Variants in CCDC50 observed in about 807,000 individuals in gnomAD.
The protein encoded by CCDC50 is coiled-coil domain-containing protein 50.
CCDC50 carries 54 observed loss-of-function variants against 70.2 expected under a neutral mutation model. The ratio of observed to expected loss-of-function variants is 0.77; its 90% confidence interval spans 0.62 to 0.96. CCDC50 has a LOEUF of 0.96. Among genes scored for constraint, CCDC50 ranks in the 50% least tolerant of loss-of-function variants. CCDC50 has a pLI of 0.00. For missense variants in CCDC50, 558 were observed against 578.7 expected (o/e 0.96, Z 0.37); for synonymous variants, 216 against 198.8 (o/e 1.09, Z -0.73).
At position 191,358,092 on chromosome 3, in the gene CCDC50, G is replaced by A. The variant is rs370296131; in HGVS notation, c.207G>A (p.Ala69=). The A allele has an allele frequency of 4.5e-5, 73 of 1,613,902 alleles. No homozygotes were observed. The African/African-American group carries it at 5.3e-4, about 12-fold the overall frequency. Residue 69 remains alanine (A), a synonymous_variant, in exon 3 of 12, where the codon GCG becomes GCA. Transcript: ENST00000392455. Reference sequence around the variant, plus strand: ...AGCTCCAAGAGGAAGATCTGAAAGCGCAGGCCCAGCTCCAGAAGCGCTACA... The same window carrying A: ...AGCTCCAAGAGGAAGATCTGAAAGCACAGGCCCAGCTCCAGAAGCGCTACA... ...AKQLQEEDLK[A]QAQLQKRYKD...
Position 191,375,505 on chromosome 3 carries a change from C to A in CCDC50, c.892C>A (p.Gln298Lys), listed in dbSNP as rs1253374847. The A allele has an allele frequency of 6.2e-7, 1 of 1,613,462 alleles. No individual in the cohort carries two copies. The highest frequency in any genetic ancestry group is 8.5e-7 in the Non-Finnish European group (1 of 1,179,798). The change falls in exon 6 of 12, where the codon CAA becomes AAA. Residue 298 changes from glutamine to lysine, a missense_variant. By Grantham distance (53) the Gln-to-Lys change is moderately conservative. Transcript: ENST00000392455. Reference protein sequence around the residue: ...KEVVYGRDHGQGEHRKRRHRP... With the variant: ...KEVVYGRDHGKGEHRKRRHRP... The stretch of plus-strand genomic sequence containing the variant: ...AGTTGTATATGGGAGGGACCATGGG[C>A]AAGGTGAGCACAGAAAAAGGAGACA...
chr3:191,364,450 G>A (rs1262676891), intron 4 of CCDC50, among the ~76,000 whole-genome samples: 1 of 151,612 alleles, frequency 6.6e-6, no homozygotes, highest in African/African-American at 2.4e-5. Flanking sequence ...CTTAGCAGCA[G>A]CAGGGCTGTG....
intron 4 of CCDC50, among the ~76,000 whole-genome samples, chr3:191,366,929 C>T (rs927961296): frequency 6.6e-6 from 1 of 151,960 alleles, no homozygotes; most frequent in African/African-American, 2.4e-5. Context: ...TAATTGCCAT[C>T]GTCAGCTTGT....
Position 191,396,620 on chromosome 3 carries a change from C to T in CCDC50, c.*4860C>T, listed in dbSNP as rs1474172009. The stretch of plus-strand genomic sequence containing the variant: ...TTATTTGTAAGAATTTCACCAACAC[C>T]CTTGTGTATTGAAATGCTTAACCAT... On this transcript the variant is annotated 3_prime_UTR_variant, in exon 12 of 12. Transcript: ENST00000392455. 6.6e-6 allele frequency: 1 copy of T among 152,050 alleles called. No individual in the cohort carries two copies. The highest frequency in any genetic ancestry group is 1.9e-4 in the East Asian group (1 of 5,192). 9.4% of individuals were successfully genotyped at this position (152,050 alleles called of 1,614,324 possible).
At chr3:191,344,351 T>C (rs989382545) in intron 1 of CCDC50, among the ~76,000 whole-genome samples, 1 of 152,210 alleles carries the variant, frequency 6.6e-6, no homozygotes. Context: ...TCCAGAATAG[T>C]AGCCACCAGC....
intron 4 of CCDC50, among the ~76,000 whole-genome samples, chr3:191,367,444 G>T (rs28715898): frequency 0.3 from 46,055 of 151,684 alleles, 6,972 homozygotes; most frequent in Non-Finnish European, 0.32. Context: ...ATGTTAAAAT[G>T]AATCTCTTTT....
At chr3:191,360,584 G>A (rs762588322) in intron 3 of CCDC50, among the ~76,000 whole-genome samples, 26 of 152,134 alleles carry the variant, frequency 1.7e-4, no homozygotes, top group Non-Finnish European at 3.4e-4. Context: ...ATAGCAATTG[G>A]TCTGAGTAGA....
Position 191,380,920 on chromosome 3 carries a change from C to T in CCDC50, c.1230C>T (p.Asp410=). 6.2e-7 allele frequency: 1 copy of T among 1,611,996 alleles called. No individual in the cohort carries two copies. Among genetic ancestry groups the T allele is most frequent in the East Asian group, 2.2e-5 (1 of 44,774 alleles). Residue 410 remains aspartate, a synonymous_variant, in exon 9 of 12, where the codon GAC becomes GAT. Coordinates refer to ENST00000392455, the MANE Select transcript of CCDC50 (RefSeq NM_178335.3). ...CATCTTTGGACAAAAGAAAGCAAGA[C>T]CCCGAGTGGAAGGTAGAGTGTGTTT... The part of the protein sequence containing the change: ...EKSSLDKRKQ[D]PEWKPKTAKA...
At chr3:191,385,775 T>C (rs781074516) in intron 10 of CCDC50, among the ~76,000 whole-genome samples, 1 of 152,280 alleles carries the variant, frequency 6.6e-6, no homozygotes, top group East Asian at 1.9e-4. Flanking sequence ...AAAATTTTTA[T>C]AGTTTAAGGT....
chr3:191,345,903 CTG>C lies in CCDC50; in HGVS notation c.50-11183_50-11182del, dbSNP rs72208279. ...ACTTATGCTTATTACCCTTGTAAAA[CTG>C]TTGATGATGCTATTATATAATATAG... On this transcript the variant is annotated intron_variant, in intron 1 of 11. Coordinates refer to ENST00000392455, the MANE Select transcript of CCDC50 (RefSeq NM_178335.3). Among the ~76,000 whole-genome samples the C allele has an allele frequency of 9.4e-3, 1,438 of 152,294 alleles. 24 individuals are homozygous for C. In the Middle Eastern group the frequency reaches 0.1, roughly 11 times the overall value.
chr3:191,347,457 G>A (rs564489073), intron 1 of CCDC50, among the ~76,000 whole-genome samples: 1 of 141,642 alleles, frequency 7.1e-6, no homozygotes, highest in Non-Finnish European at 1.6e-5. Context: ...TAAATCCTAA[G>A]CACCCCGTTG....
chr3:191,367,582 A>G (rs1404963905), intron 4 of CCDC50, among the ~76,000 whole-genome samples: 1 of 152,140 alleles, frequency 6.6e-6, no homozygotes, highest in African/African-American at 2.4e-5. Flanking sequence ...TTATCTGTAC[A>G]ATGGAAAGTC....
In CCDC50 at chr3:191,370,053, C is replaced by A; in HGVS notation, c.448+17C>A. 1.3e-6 allele frequency: 2 copies of A among 1,492,310 alleles called. No individual in the cohort carries two copies. The highest frequency in any genetic ancestry group is 1.9e-6 in the Non-Finnish European group (2 of 1,069,936). 92.4% of individuals were successfully genotyped at this position (1,492,310 alleles called of 1,614,324 possible). A position where few individuals can be genotyped will look rare whatever the true frequency, so the allele number is the denominator to read the frequency against. On this transcript the variant is annotated intron_variant, in intron 5 of 11. Coordinates refer to ENST00000392455, the MANE Select transcript of CCDC50 (RefSeq NM_178335.3). The stretch of plus-strand genomic sequence containing the variant: ...AAGATGGAGGTAACAATTCCTGCAT[C>A]ATGATCTATTCTATCCTTAGACTCA...
intron 1 of CCDC50, among the ~76,000 whole-genome samples, chr3:191,334,469 A>G (rs551838194): frequency 1.5e-4 from 23 of 152,280 alleles, no homozygotes; most frequent in African/African-American, 5.3e-4. Flanking sequence ...AAGAGATTTC[A>G]GAGTAGAAAG....
intron 3 of CCDC50, among the ~76,000 whole-genome samples, chr3:191,358,560 G>C (rs141665000): frequency 2.0e-5 from 3 of 152,246 alleles, no homozygotes; most frequent in Admixed American, 1.3e-4. Context: ...TACTTTCCTT[G>C]CTTTTCAGTA....
chr3:191,363,864 C>G (rs896360169), intron 4 of CCDC50, among the ~76,000 whole-genome samples: 3 of 152,116 alleles, frequency 2.0e-5, no homozygotes, highest in Non-Finnish European at 4.4e-5. Flanking sequence ...TGACTCTCAG[C>G]TGTCTAGTAT....
chr3:191,351,922 C>T (rs113416484), intron 1 of CCDC50, among the ~76,000 whole-genome samples: 2 of 137,996 alleles, frequency 1.4e-5, no homozygotes, highest in African/African-American at 5.2e-5. Flanking sequence ...CATAATTGAC[C>T]CCTTTGCCAA....
At position 191,396,508 on chromosome 3, in the gene CCDC50, C is replaced by T. The variant is rs1484542735; in HGVS notation, c.*4748C>T. On this transcript the variant is annotated 3_prime_UTR_variant, in exon 12 of 12. Transcript: ENST00000392455. ...AAATCCTTCATACCAGGTACCACTTCTTGAGTAACTGAGAGTTGACTGTCT... is the reference window on the plus strand; with the variant it reads ...AAATCCTTCATACCAGGTACCACTTTTTGAGTAACTGAGAGTTGACTGTCT... 2 of 152,186 alleles carry T rather than the reference C, an allele frequency of 1.3e-5. No homozygotes were observed. The highest frequency in any genetic ancestry group is 4.8e-5 in the African/African-American group (2 of 41,452). 9.4% of individuals were successfully genotyped at this position (152,186 alleles called of 1,614,324 possible).
chr3:191,385,730 C>G (rs1479953766), intron 10 of CCDC50, among the ~76,000 whole-genome samples: 2 of 151,834 alleles, frequency 1.3e-5, no homozygotes, highest in Non-Finnish European at 2.9e-5. Flanking sequence ...TTGCCTTGGC[C>G]AGTGTTGAGA....
Sources: gnomAD v4.1 joint callset for allele counts (sites outside exome capture counted in the v4.1 genomes callset) on GRCh38, gnomAD v4.1.1 for gene constraint, MANE v1.5 for transcripts, NCBI Gene and HGNC (gene_info 2026-07-23, HGNC 2026-07-21) for gene names.